The following CADPS variants were observed in gnomAD, a reference collection of about 807,000 sequenced individuals.
CADPS encodes the protein calcium-dependent secretion activator 1.
Under a neutral mutation model 167.3 loss-of-function variants are expected in CADPS, and 57 were observed. That is an observed-to-expected ratio of 0.34 (90% CI 0.28 to 0.42). The LOEUF is 0.42. Ranked by LOEUF, CADPS falls within the 20% of genes least tolerant of loss-of-function variation. The pLI is 1.00. For synonymous variants in CADPS, 676 were observed against 635.3 expected (o/e 1.06, Z -0.96); for missense variants, 1,414 against 1,738.1 (o/e 0.81, Z 3.32).
intron 1 of CADPS, among the ~76,000 whole-genome samples, chr3:62,776,181 T>C (rs2090238699): frequency 6.6e-6 from 1 of 151,984 alleles, no homozygotes; most frequent in African/African-American, 2.4e-5. Context: ...ACCAGCAAGG[T>C]AGTAGTCAGG....
chr3:62,544,912 AAC>A lies in CADPS; in HGVS notation c.1966+4989_1966+4990del, dbSNP rs2076219400. 1 of 1,149,430 alleles carries A rather than the reference AAC, an allele frequency of 8.7e-7. No individual in the cohort carries two copies. The highest frequency in any genetic ancestry group is 1.6e-5 in the African/African-American group (1 of 61,256). 71.2% of individuals were successfully genotyped at this position (1,149,430 alleles called of 1,614,324 possible). On this transcript the variant is annotated intron_variant, in intron 11 of 29. Transcript: ENST00000383710. This position sits in a 1 kb window ranked among gnomAD's most constrained non-coding sequence, Gnocchi z 4.4. ...AAACCAGAATAACATAAAGACTAGC[AAC>A]AAGGCTCAGGAAAGCAGACAGGAGT...
At chr3:62,813,946 G>T (rs766944761) in intron 1 of CADPS, among the ~76,000 whole-genome samples, 1 of 152,086 alleles carries the variant, frequency 6.6e-6, no homozygotes, top group Non-Finnish European at 1.5e-5. Context: ...ACAAATGAAT[G>T]AATGAAATAT....
intron 3 of CADPS, among the ~76,000 whole-genome samples, chr3:62,722,754 C>A (rs556044516): frequency 6.6e-6 from 1 of 152,196 alleles, no homozygotes; most frequent in African/African-American, 2.4e-5. Context: ...ATTGATCCAG[C>A]GTATAGTTTC....
At chr3:62,596,802 G>T (rs550697230) in intron 6 of CADPS, among the ~76,000 whole-genome samples, 1 of 152,262 alleles carries the variant, frequency 6.6e-6, no homozygotes, top group South Asian at 2.1e-4. Flanking sequence ...GATTGACACT[G>T]CCCTTTCTAC....
intron 17 of CADPS, among the ~76,000 whole-genome samples, chr3:62,508,662 T>C (rs374832795): frequency 6.6e-6 from 1 of 152,210 alleles, no homozygotes; most frequent in Admixed American, 6.5e-5. Context: ...GCCCTTTAGA[T>C]TCAATGAAAT....
At chr3:62,723,860 A>G (rs2076267180) in intron 3 of CADPS, among the ~76,000 whole-genome samples, 1 of 152,210 alleles carries the variant, frequency 6.6e-6, no homozygotes, top group Admixed American at 6.5e-5. Flanking sequence ...TGAGGTAGCC[A>G]CGTTCTCAGA....
In CADPS at chr3:62,778,515, T is replaced by G. The variant is rs80242905; in HGVS notation, c.442-12531A>C. On this transcript the variant is annotated intron_variant, in intron 1 of 29. Transcript: ENST00000383710. ...CTGATGGCTCCTTCCAGCCTCTGAA[T>G]GATACCTCTTTAGTCTGAACTCCCT... 5.4e-4 allele frequency among the ~76,000 whole-genome samples: 83 copies of G among 152,336 alleles called. No homozygotes were observed. The East Asian group carries it at 0.015, about 28-fold the overall frequency.
At chr3:62,703,171 C>A (rs1012186110) in intron 3 of CADPS, among the ~76,000 whole-genome samples, 23 of 152,250 alleles carry the variant, frequency 1.5e-4, no homozygotes, top group African/African-American at 4.8e-4. Context: ...GCTATTAATG[C>A]AGTTTACTCT....
intron 8 of CADPS, among the ~76,000 whole-genome samples, chr3:62,574,933 T>A (rs2081994538): frequency 6.6e-6 from 1 of 152,154 alleles, no homozygotes; most frequent in East Asian, 1.9e-4. Flanking sequence ...CTTAAATATG[T>A]GAAAGGAAAT....
intron 7 of CADPS, among the ~76,000 whole-genome samples, chr3:62,589,292 G>A (rs921168358): frequency 6.6e-6 from 1 of 152,224 alleles, no homozygotes; most frequent in African/African-American, 2.4e-5. Context: ...TGCCAGCAGA[G>A]GGTGTCCAGC....
intron 1 of CADPS, among the ~76,000 whole-genome samples, chr3:62,780,662 A>C (rs1313761555): frequency 1.1e-4 from 16 of 152,202 alleles, no homozygotes; most frequent in Non-Finnish European, 7.3e-5. Context: ...TGGAAAAAAG[A>C]TGATCCCCCA....
chr3:62,697,000 G>A (rs1371424635), intron 3 of CADPS, among the ~76,000 whole-genome samples: 1 of 152,120 alleles, frequency 6.6e-6, no homozygotes, highest in Admixed American at 6.5e-5. Flanking sequence ...AACCCTGAGA[G>A]ATGTAGCAAG....
chr3:62,465,192 A>G lies in CADPS; in HGVS notation c.3636+175T>C, dbSNP rs2059808259. 6.6e-6 allele frequency among the ~76,000 whole-genome samples: 1 copy of G among 152,204 alleles called. No individual in the cohort carries two copies. The highest frequency in any genetic ancestry group is 2.1e-4 in the South Asian group (1 of 4,834). ...ACAAATGAAATAGAAATGATGTTGG[A>G]TTACCTGCTGTTATTAAATGTTTGG... On this transcript the variant is annotated intron_variant, in intron 26 of 29. Coordinates refer to ENST00000383710, the MANE Select transcript of CADPS (RefSeq NM_003716.4). The surrounding 1 kb of genome is among the most constrained non-coding windows in gnomAD (Gnocchi z 4.1).
intron 6 of CADPS, among the ~76,000 whole-genome samples, chr3:62,624,772 A>C (rs2149540580): frequency 6.6e-6 from 1 of 152,178 alleles, no homozygotes; most frequent in South Asian, 2.1e-4. Flanking sequence ...ACTTCACAGA[A>C]TTGTTCTGAG....
chr3:62,640,076 T>C (rs749494280), intron 6 of CADPS, among the ~76,000 whole-genome samples: 3 of 152,228 alleles, frequency 2.0e-5, no homozygotes, highest in Non-Finnish European at 4.4e-5. Context: ...AGATATGTTA[T>C]TCACAGCTGT....
chr3:62,447,499 C>T, intron 26 of CADPS, among the ~76,000 whole-genome samples: 1 of 152,134 alleles, frequency 6.6e-6, no homozygotes, highest in East Asian at 1.9e-4. Flanking sequence ...CAAAGGCTAT[C>T]TTGGTCTTGC....
chr3:62,727,802 A>G (rs1235302778), intron 3 of CADPS, among the ~76,000 whole-genome samples: 1 of 151,912 alleles, frequency 6.6e-6, no homozygotes, highest in African/African-American at 2.4e-5. Flanking sequence ...GGAAATGGAA[A>G]TTCTGATGAA....
intron 3 of CADPS, among the ~76,000 whole-genome samples, chr3:62,738,655 G>T (rs911849345): frequency 6.6e-6 from 1 of 152,144 alleles, no homozygotes; most frequent in Non-Finnish European, 1.5e-5. Flanking sequence ...GAAACTGGGA[G>T]GCGGAGGTTG....
At chr3:62,842,260 C>G (rs752281993) in intron 1 of CADPS, among the ~76,000 whole-genome samples, 1 of 152,082 alleles carries the variant, frequency 6.6e-6, no homozygotes, top group Non-Finnish European at 1.5e-5. Context: ...GTGAGGTAGG[C>G]GCTATCATCC....
Sources: allele counts gnomAD v4.1 joint callset (sites outside exome capture counted in the v4.1 genomes callset), GRCh38; gene constraint gnomAD v4.1.1; non-coding constraint Gnocchi (gnomAD v3.1); transcripts MANE v1.5; gene names NCBI Gene and HGNC (gene_info 2026-07-23, HGNC 2026-07-21).